Variants in GPLD1 observed in about 807,000 individuals in gnomAD.
The protein encoded by GPLD1 is glycosylphosphatidylinositol specific phospholipase D1.
In GPLD1, 84 loss-of-function variants were observed where a neutral mutation model predicts 112.6. The ratio of observed to expected loss-of-function variants is 0.75; its 90% CI spans 0.63 to 0.89. GPLD1 has a LOEUF of 0.89. Ranked by LOEUF, GPLD1 falls within the 40% of genes least tolerant of loss-of-function variation. The pLI, the probability that GPLD1 is intolerant of heterozygous loss-of-function variation, is 0.00. For synonymous variants in GPLD1, 386 were observed against 403.8 expected, an observed-to-expected ratio of 0.96 and a Z score of 0.53; for missense variants, 1,044 against 1,051.5, an observed-to-expected ratio of 0.99 and a Z score of 0.10.
chr6:24,454,223 A>G, intron 13 of GPLD1, 22 bp from the exon 14 acceptor site: 1 of 1,587,168 alleles, frequency 6.3e-7, no homozygotes, highest in Non-Finnish European at 8.6e-7. Context: ...GAAGGGACCC[A>G]CCATGGTATG....
At chr6:24,459,992 G>A (rs147957973) in intron 12 of GPLD1, among the ~76,000 whole-genome samples, 4,574 of 152,292 alleles carry the variant, frequency 0.03, 94 homozygotes, top group Non-Finnish European at 0.045. Flanking sequence ...TTGAACTCCT[G>A]GGCTCAAGCA....
At chr6:24,479,343 T>C (rs1203293194) in intron 3 of GPLD1, among the ~76,000 whole-genome samples, 2 of 152,240 alleles carry the variant, frequency 1.3e-5, no homozygotes, top group African/African-American at 4.8e-5. Flanking sequence ...AAAATAAATC[T>C]GTCTTTGACT....
At position 24,448,159 on chromosome 6, in the gene GPLD1, G is replaced by C; in HGVS notation, c.1496C>G (p.Ser499Cys). The change falls in exon 16 of 25, where the codon TCC becomes TGC. Residue 499 changes from serine to cysteine, a missense_variant. Coordinates refer to ENST00000230036, the MANE Select transcript of GPLD1 (RefSeq NM_001503.4). ...FGSKQGGMSS[S>C]PNITISCQDI... ...CTGGCAAGAAATGGTGATGTTAGGG[G>C]AAGAAGACATTCCTCCTTGTTTGGA... 1 of 1,611,282 alleles carries C rather than the reference G, an allele frequency of 6.2e-7. No homozygotes were observed. Among genetic ancestry groups the C allele is most frequent in the Non-Finnish European group, 8.5e-7 (1 of 1,179,302 alleles).
rs976863111 is a variant in GPLD1, at chr6:24,435,562, A to T, written c.2358+1014T>A. On this transcript the variant is annotated intron_variant, in intron 22 of 24. Coordinates refer to ENST00000230036, the MANE Select transcript of GPLD1 (RefSeq NM_001503.4). ...TTTGCAATTTAAAAAATAATTTTAA[A>T]TTTTTTAAAATAGGTGGGGTACGGT... is the stretch of plus-strand genomic sequence containing the variant. 3.9e-5 allele frequency among the ~76,000 whole-genome samples: 6 copies of T among 152,100 alleles called. No homozygotes were observed. The East Asian group carries it at 7.7e-4, about 20-fold the overall frequency.
At chr6:24,472,758 AT>A (rs1763865865) in intron 6 of GPLD1, 122 bp from the exon 7 acceptor site, 5 of 656,606 alleles carry the variant, frequency 7.6e-6, no homozygotes, top group Non-Finnish European at 1.4e-5. Flanking sequence ...GTTTTTGTTC[AT>A]TGTTTTAGGT....
rs180982918 is a variant in GPLD1, at chr6:24,485,330, G to A, written c.153+745C>T. ...AGGTGGAAGGATTGCTTGAGCCCAG[G>A]AGTTCAAGACCAGCTTGGGCAACAT... On this transcript the variant is annotated intron_variant, in intron 2 of 24. Coordinates refer to ENST00000230036, the MANE Select transcript of GPLD1 (RefSeq NM_001503.4). 5.3e-5 allele frequency among the ~76,000 whole-genome samples: 8 copies of A among 152,222 alleles called. No individual in the cohort carries two copies. The East Asian group carries it at 1.5e-3, about 29-fold the overall frequency.
At chr6:24,473,782 G>T in intron 5 of GPLD1, 115 bp from the exon 6 acceptor site, 1 of 600,390 alleles carries the variant, frequency 1.7e-6, no homozygotes, top group Non-Finnish European at 3.0e-6. Flanking sequence ...TGCTGAGGAC[G>T]CATAATAGAC....
chr6:24,451,957 C>A (rs188243793), intron 14 of GPLD1, among the ~76,000 whole-genome samples: 1 of 152,160 alleles, frequency 6.6e-6, no homozygotes, highest in South Asian at 2.1e-4. Context: ...CCAGTCATTC[C>A]GAGAGGAGCA....
Sources: allele counts gnomAD v4.1 joint callset (sites outside exome capture counted in the v4.1 genomes callset), GRCh38; gene constraint gnomAD v4.1.1; transcripts MANE v1.5; gene names NCBI Gene and HGNC (gene_info 2026-07-23, HGNC 2026-07-21).